Variants in SFT2D1 observed in about 807,000 individuals in gnomAD.
SFT2D1 encodes SFT2 domain containing 1, also known as vesicle transport protein SFT2A.
In SFT2D1, 24 loss-of-function variants were observed where a neutral mutation model predicts 28.1. That is an observed-to-expected ratio of 0.85 (90% CI 0.62 to 1.20). The LOEUF (loss-of-function observed/expected upper bound fraction) is 1.20. Ranked by LOEUF, SFT2D1 falls within the 50% of genes most tolerant of loss-of-function variation. The probability of loss-of-function intolerance (pLI) is 0.00; values close to 1 mark genes in which losing one functional copy is unlikely to be tolerated. For synonymous variants in SFT2D1, 82 were observed against 73.7 expected (o/e 1.11, Z -0.58); for missense variants, 181 against 190.9 (o/e 0.95, Z 0.31).
rs1051231436 is a variant in SFT2D1 at position 166,330,728 on chromosome 6, C to T, written c.64-481G>A. On this transcript the variant is annotated intron_variant, in intron 1 of 7. Coordinates refer to ENST00000361731, the MANE Select transcript of SFT2D1 (RefSeq NM_145169.3). Reference sequence around the variant, plus strand: ...GAGTCTGAGTGCATCCGAGTGCATCCGCACTCAGTGCAAGTCCTGCTGGAG... The same window carrying T: ...GAGTCTGAGTGCATCCGAGTGCATCTGCACTCAGTGCAAGTCCTGCTGGAG... Among the ~76,000 whole-genome samples the T allele has an allele frequency of 3.9e-5, 6 of 152,184 alleles. No homozygotes were observed. The East Asian group carries it at 1.2e-3, about 29-fold the overall frequency.
intron 4 of SFT2D1, among the ~76,000 whole-genome samples, chr6:166,327,167 G>A (rs1778460890): frequency 6.6e-6 from 1 of 152,194 alleles, no homozygotes; most frequent in Non-Finnish European, 1.5e-5. Flanking sequence ...GCTGTGTTTG[G>A]AAAGCTAATG....
At chr6:166,338,880 C>T (rs764396791) in intron 1 of SFT2D1, among the ~76,000 whole-genome samples, 2 of 152,096 alleles carry the variant, frequency 1.3e-5, no homozygotes, top group Non-Finnish European at 2.9e-5. Flanking sequence ...CTCTGGCTAC[C>T]GTGCCTCTCC....
intron 6 of SFT2D1, 114 bp from the exon 7 acceptor site, chr6:166,323,000 T>C (rs1001021894): frequency 5.0e-6 from 4 of 807,126 alleles, no homozygotes; most frequent in East Asian, 2.6e-5. Context: ...TGTACAGTGG[T>C]TCTCAAAGTG....
intron 6 of SFT2D1, 22 bp from the exon 7 acceptor site, chr6:166,322,908 G>A (rs1449971523): frequency 6.2e-7 from 1 of 1,600,570 alleles, no homozygotes; most frequent in Non-Finnish European, 8.6e-7. Context: ...ATTCAAGCAT[G>A]TTGAATCTTC....
At chr6:166,336,611 G>A (rs1318133132) in intron 1 of SFT2D1, among the ~76,000 whole-genome samples, 4 of 152,202 alleles carry the variant, frequency 2.6e-5, no homozygotes, top group Non-Finnish European at 5.9e-5. Flanking sequence ...GACACCTTCT[G>A]AGTCCTCACA....
chr6:166,342,396 G>C, intron 1 of SFT2D1, 23 bp downstream of exon 1: 2 of 1,546,582 alleles, frequency 1.3e-6, no homozygotes, highest in South Asian at 1.2e-5. Flanking sequence ...CCCCGGGACT[G>C]GACGAGGGCG....
intron 1 of SFT2D1, among the ~76,000 whole-genome samples, chr6:166,333,240 C>A (rs754830359): frequency 1.1e-4 from 16 of 152,214 alleles, no homozygotes; most frequent in Non-Finnish European, 2.2e-4. Context: ...TCCACACTTT[C>A]TCCTTCTCAT....
Position 166,342,517 on chromosome 6 carries a change from T to C in SFT2D1, c.-36A>G, listed in dbSNP as rs533081754. ...CAGGGCCGTAGCGGCCGCCACTCTG[T>C]TGCCTGCCCCTGACGCCCACCAGGA... On this transcript the variant is annotated 5_prime_UTR_variant, in exon 1 of 8. Transcript: ENST00000361731. 68 of 1,518,052 alleles carry C rather than the reference T, an allele frequency of 4.5e-5. No individual in the cohort carries two copies. The highest frequency in any genetic ancestry group is 4.3e-4 in the Admixed American group (22 of 50,832). 94.0% of individuals were successfully genotyped at this position (1,518,052 alleles called of 1,614,324 possible). A position where few individuals can be genotyped will look rare whatever the true frequency, so the allele number is the denominator to read the frequency against.
chr6:166,328,203 C>G (rs1019670691), intron 4 of SFT2D1, 73 bp downstream of exon 4: 2 of 803,794 alleles, frequency 2.5e-6, no homozygotes, highest in Admixed American at 2.9e-5. Context: ...ACATACATAA[C>G]AGGCAATTAT....
In SFT2D1 at chr6:166,320,170, CAT is replaced by C; in HGVS notation, c.*45_*46del. On this transcript the variant is annotated 3_prime_UTR_variant, in exon 8 of 8. Transcript: ENST00000361731. ...ATGGGGAAAAGCAAACTTCACCAAA[CAT>C]AGAGTACCAACATTCAAGTGCTCTT... 1.3e-6 allele frequency: 2 copies of C among 1,585,098 alleles called. No homozygotes were observed. The highest frequency in any genetic ancestry group is 1.7e-6 in the Non-Finnish European group (2 of 1,157,408).
chr6:166,326,200 G>C, intron 4 of SFT2D1, 33 bp from the exon 5 acceptor site: 1 of 1,588,296 alleles, frequency 6.3e-7, no homozygotes, highest in South Asian at 1.1e-5. Flanking sequence ...TTATAAGTTT[G>C]AGATCCTTTC....
At chr6:166,341,303 G>A (rs2114917725) in intron 1 of SFT2D1, among the ~76,000 whole-genome samples, 1 of 152,040 alleles carries the variant, frequency 6.6e-6, no homozygotes, top group Middle Eastern at 3.4e-3. Flanking sequence ...AAAATAATTA[G>A]CAGGGCATGG....
At chr6:166,333,148 A>G (rs1327415753) in intron 1 of SFT2D1, among the ~76,000 whole-genome samples, 1 of 152,234 alleles carries the variant, frequency 6.6e-6, no homozygotes, top group African/African-American at 2.4e-5. Context: ...TGTGCAGACA[A>G]GTGAGAAAAA....
chr6:166,336,019 AT>A (rs999155336), intron 1 of SFT2D1, among the ~76,000 whole-genome samples: 2 of 152,262 alleles, frequency 1.3e-5, no homozygotes, highest in South Asian at 2.1e-4. Flanking sequence ...TTTTAATGTA[AT>A]TTTTTTCTTT....
chr6:166,339,426 A>C (rs2114915181), intron 1 of SFT2D1, among the ~76,000 whole-genome samples: 1 of 152,278 alleles, frequency 6.6e-6, no homozygotes, highest in South Asian at 2.1e-4. Context: ...AATGCACAGA[A>C]ACATCCAGTA....
At chr6:166,330,129 A>G in intron 2 of SFT2D1, 32 bp downstream of exon 2, 1 of 1,468,370 alleles carries the variant, frequency 6.8e-7, no homozygotes, top group Non-Finnish European at 9.1e-7. Context: ...TACAAAATAA[A>G]AATTATTAAA....
chr6:166,335,731 A>C (rs1324674211), intron 1 of SFT2D1, among the ~76,000 whole-genome samples: 1 of 152,264 alleles, frequency 6.6e-6, no homozygotes, highest in Non-Finnish European at 1.5e-5. Flanking sequence ...AGCAGTAGCC[A>C]TGGCACTGGC....
chr6:166,326,072 C>T (rs1234370556), intron 5 of SFT2D1, 60 bp downstream of exon 5: 15 of 1,456,282 alleles, frequency 1.0e-5, no homozygotes, highest in African/African-American at 2.8e-5. Flanking sequence ...TGTGATGACA[C>T]GTCAGCTGGG....
chr6:166,329,648 T>C, intron 2 of SFT2D1, 59 bp from the exon 3 acceptor site: 1 of 1,338,764 alleles, frequency 7.5e-7, no homozygotes, highest in Non-Finnish European at 1.0e-6. Flanking sequence ...GGTTAAAATA[T>C]AAACGTGCTA....
Sources: gnomAD v4.1 joint callset for allele counts (sites outside exome capture counted in the v4.1 genomes callset) on GRCh38, gnomAD v4.1.1 for gene constraint, MANE v1.5 for transcripts, NCBI Gene and HGNC (gene_info 2026-07-23, HGNC 2026-07-21) for gene names.